Variants in MSI2 observed in about 807,000 individuals in gnomAD.
MSI2 encodes RNA-binding protein Musashi homolog 2.
Under a neutral mutation model 45.6 loss-of-function variants are expected in MSI2, and 17 were observed. The ratio of observed to expected loss-of-function variants is 0.37; its 90% CI spans 0.26 to 0.56. MSI2 has a LOEUF of 0.56. Ranked by LOEUF, MSI2 falls within the 20% of genes least tolerant of loss-of-function variation. The pLI is 0.77. For missense variants in MSI2, 293 were observed against 444.2 expected (o/e 0.66, Z 3.06); for synonymous variants, 156 against 158.2 (o/e 0.99, Z 0.11).
chr17:57,287,415 G>T (rs1338528469), intron 5 of MSI2, among the ~76,000 whole-genome samples: 1 of 152,152 alleles, frequency 6.6e-6, no homozygotes, highest in Non-Finnish European at 1.5e-5. Flanking sequence ...TCCTGTGGGG[G>T]ACAGAATAGT....
At chr17:57,293,319 T>C (rs1835023966) in intron 5 of MSI2, among the ~76,000 whole-genome samples, 1 of 151,838 alleles carries the variant, frequency 6.6e-6, no homozygotes. Context: ...CCAAGAGGTA[T>C]GTACAGCTCG....
rs143721242 is a variant in MSI2, at chr17:57,355,366, G to A, written c.313-46013G>A. Reference sequence around the variant, plus strand: ...TGGCCTTGCTTAGGTCACAGGTCCAGCCCTTGGACCAGTCTGTGATGGATA... The same window carrying A: ...TGGCCTTGCTTAGGTCACAGGTCCAACCCTTGGACCAGTCTGTGATGGATA... On this transcript the variant is annotated intron_variant, in intron 5 of 13. Transcript: ENST00000284073. Among the ~76,000 whole-genome samples, 11 of 152,328 alleles carry A rather than the reference G, an allele frequency of 7.2e-5. 1 individual carries two copies. In the East Asian group the frequency reaches 1.7e-3, roughly 24 times the overall value.
intron 8 of MSI2, among the ~76,000 whole-genome samples, chr17:57,615,487 TG>T (rs2144557760): frequency 6.6e-6 from 1 of 152,280 alleles, no homozygotes; most frequent in East Asian, 1.9e-4. Flanking sequence ...TAAGGCTAAG[TG>T]GTCTGTCTGT....
chr17:57,579,325 T>C (rs1026456200), intron 7 of MSI2, among the ~76,000 whole-genome samples: 3 of 152,214 alleles, frequency 2.0e-5, no homozygotes, highest in African/African-American at 7.2e-5. Context: ...AAAGCTCTGC[T>C]GTCGCTCGGT....
chr17:57,286,666 G>T (rs1342152049), intron 5 of MSI2, among the ~76,000 whole-genome samples: 2 of 151,946 alleles, frequency 1.3e-5, no homozygotes, highest in African/African-American at 4.8e-5. Context: ...AAAACCGAAG[G>T]CCCCAAGGTC....
chr17:57,341,531 G>T (rs1915160340), intron 5 of MSI2, among the ~76,000 whole-genome samples: 2 of 152,172 alleles, frequency 1.3e-5, no homozygotes, highest in Admixed American at 6.5e-5. Flanking sequence ...GGTTCCTATT[G>T]TCAGTCTGTT....
downstream of MSI2, among the ~76,000 whole-genome samples, chr17:57,687,479 T>C (rs1913909109): frequency 6.6e-6 from 1 of 151,970 alleles, no homozygotes; most frequent in Non-Finnish European, 1.5e-5. Context: ...AGAATGAATA[T>C]TGGCAACAAA....
chr17:57,514,040 G>A (rs541349919), intron 6 of MSI2, among the ~76,000 whole-genome samples: 26 of 152,124 alleles, frequency 1.7e-4, no homozygotes, highest in Non-Finnish European at 3.5e-4. Context: ...TGAACCCTTA[G>A]GCTTGAGAGG....
chr17:57,558,401 C>T (rs1168921954), intron 7 of MSI2, among the ~76,000 whole-genome samples: 5 of 152,192 alleles, frequency 3.3e-5, no homozygotes, highest in South Asian at 2.1e-4. Flanking sequence ...GTTGAGGCCC[C>T]GCATCCTGGA....
At chr17:57,575,598 C>T (rs912636192) in intron 7 of MSI2, among the ~76,000 whole-genome samples, 1 of 152,144 alleles carries the variant, frequency 6.6e-6, no homozygotes, top group Non-Finnish European at 1.5e-5. Context: ...TCCCCTGCAC[C>T]TCAGACCTTC....
intron 6 of MSI2, among the ~76,000 whole-genome samples, chr17:57,494,680 G>A (rs930367834): frequency 2.0e-5 from 3 of 152,198 alleles, no homozygotes; most frequent in Middle Eastern, 3.4e-3. Flanking sequence ...TATGAAGTAG[G>A]TACCTGCCTC....
intron 6 of MSI2, among the ~76,000 whole-genome samples, chr17:57,414,080 T>G (rs919906332): frequency 3.3e-5 from 5 of 149,782 alleles, no homozygotes; most frequent in Admixed American, 6.6e-5. Context: ...AGCAAGGAAA[T>G]AATAAAAATA....
intron 5 of MSI2, among the ~76,000 whole-genome samples, chr17:57,277,214 C>G (rs1041963309): frequency 1.3e-5 from 2 of 152,010 alleles, no homozygotes; most frequent in Non-Finnish European, 2.9e-5. Context: ...CGCCACCACA[C>G]CCAGCTAATT....
chr17:57,607,867 G>C (rs1053326445), intron 8 of MSI2, among the ~76,000 whole-genome samples: 2 of 152,090 alleles, frequency 1.3e-5, no homozygotes, highest in African/African-American at 4.8e-5. Context: ...AGAGTGCAGG[G>C]AGGTGCCACA....
At chr17:57,477,305 A>T (rs2085560544) in intron 6 of MSI2, among the ~76,000 whole-genome samples, 1 of 151,996 alleles carries the variant, frequency 6.6e-6, no homozygotes, top group South Asian at 2.1e-4. Context: ...CTTTCTCGTG[A>T]CACAATTGCC....
In MSI2 at chr17:57,257,226, C is replaced by A. The variant is rs964524676; in HGVS notation, c.103+88C>A. On this transcript the variant is annotated intron_variant, in intron 2 of 13. Transcript: ENST00000284073. The stretch of plus-strand genomic sequence containing the variant: ...TATCCCGGTGTAGGAGCCCCCCCCC[C>A]CCCGCCATTGGCTCCCCACTTCTCC... 34 of 538,124 alleles carry A rather than the reference C, an allele frequency of 6.3e-5. 1 individual carries two copies. Among genetic ancestry groups the A allele is most frequent in the East Asian group, 1.9e-4 (4 of 20,724 alleles). The allele number at this position is 538,124 out of a possible 1,614,324, so 33.3% of individuals were successfully genotyped here. A position where few individuals can be genotyped will look rare whatever the true frequency, so the allele number is the denominator to read the frequency against.
chr17:57,414,232 G>A (rs1017995521), intron 6 of MSI2, among the ~76,000 whole-genome samples: 16 of 152,176 alleles, frequency 1.1e-4, no homozygotes, highest in African/African-American at 3.9e-4. Flanking sequence ...TCCACCAAGT[G>A]GGGCTGGGTC....
intron 5 of MSI2, among the ~76,000 whole-genome samples, chr17:57,333,220 T>TA (rs1316247660): frequency 3.9e-5 from 6 of 152,136 alleles, no homozygotes; most frequent in Non-Finnish European, 8.8e-5. Flanking sequence ...ATGGGTTAGT[T>TA]AATACCAAAG....
chr17:57,602,284 TC>T (rs772823354), intron 8 of MSI2, among the ~76,000 whole-genome samples: 1 of 152,192 alleles, frequency 6.6e-6, no homozygotes, highest in Non-Finnish European at 1.5e-5. Context: ...AGACAGTTCT[TC>T]CGGTGTGGCC....
Sources: gnomAD v4.1 joint callset for allele counts (sites outside exome capture counted in the v4.1 genomes callset) on GRCh38, gnomAD v4.1.1 for gene constraint, MANE v1.5 for transcripts, NCBI Gene and HGNC (gene_info 2026-07-23, HGNC 2026-07-21) for gene names.